Variants in STRIP2 observed in about 807,000 individuals in gnomAD.
STRIP2 encodes the protein striatin-interacting protein 2.
Under a neutral mutation model 107.1 loss-of-function variants are expected in STRIP2, and 84 were observed. The observed-to-expected ratio is 0.78, with a 90% confidence interval of 0.66 to 0.94. The LOEUF is 0.94. Ranked by LOEUF, STRIP2 falls within the 40% of genes least tolerant of loss-of-function variation. The pLI is 0.00. For missense variants in STRIP2, 888 were observed against 1,034.2 expected, an observed-to-expected ratio of 0.86 and a Z score of 1.94; for synonymous variants, 394 against 400.4, an observed-to-expected ratio of 0.98 and a Z score of 0.19.
intron 18 of STRIP2, among the ~76,000 whole-genome samples, chr7:129,479,420 A>G (rs1799059534): frequency 6.6e-6 from 1 of 152,176 alleles, no homozygotes; most frequent in Non-Finnish European, 1.5e-5. Context: ...TTAGAAGCAG[A>G]CAGATGGTTC....
At position 129,469,298 on chromosome 7, in the gene STRIP2, A is replaced by G. The variant is rs139621414; in HGVS notation, c.1878-1351A>G. On this transcript the variant is annotated intron_variant, in intron 17 of 20. Coordinates refer to ENST00000249344, the MANE Select transcript of STRIP2 (RefSeq NM_020704.3). Reference sequence around the variant, plus strand: ...CACCATCTGTAAGTTTTACTTTTGAATGATCTCTGAGAACTTGGAGATCAC... The same window carrying G: ...CACCATCTGTAAGTTTTACTTTTGAGTGATCTCTGAGAACTTGGAGATCAC... Among the ~76,000 whole-genome samples, 346 of 152,368 alleles carry G rather than the reference A, an allele frequency of 2.3e-3. 1 individual carries two copies. Among genetic ancestry groups the G allele is most frequent in the African/African-American group, 8.1e-3 (337 of 41,580 alleles).
At chr7:129,481,023 T>A in intron 19 of STRIP2, 134 bp downstream of exon 19, 1 of 625,708 alleles carries the variant, frequency 1.6e-6, no homozygotes, top group Non-Finnish European at 2.8e-6. Context: ...ATTTAGCACC[T>A]CATAATTCTG....
intron 1 of STRIP2, among the ~76,000 whole-genome samples, chr7:129,436,920 A>C (rs909360049): frequency 6.6e-6 from 1 of 152,222 alleles, no homozygotes; most frequent in Non-Finnish European, 1.5e-5. Flanking sequence ...ACCTAATAAA[A>C]GGATTCACCT....
intron 2 of STRIP2, among the ~76,000 whole-genome samples, chr7:129,440,779 A>G (rs17552854): frequency 0.14 from 21,589 of 152,206 alleles, 2,111 homozygotes; most frequent in Non-Finnish European, 0.21. Flanking sequence ...TACATGTGCT[A>G]TGAATGCCAG....
rs1167411593 is a variant in STRIP2 at position 129,483,038 on chromosome 7, A to G, written c.2246A>G (p.Tyr749Cys). The part of the protein sequence containing the change: ...VRHRMNDDWA[Y>C]GNDIDARPWD... ...CACCGCATGAACGATGACTGGGCTTACGGGAATGGTGAGTCTTCCCAAAGC... is the reference window on the plus strand; with the variant it reads ...CACCGCATGAACGATGACTGGGCTTGCGGGAATGGTGAGTCTTCCCAAAGC... The change falls in exon 20 of 21, where the codon TAC (tyrosine) becomes TGC (cysteine). Residue 749 changes from tyrosine (Y) to cysteine (C), a missense_variant. By Grantham distance (194) the Tyr-to-Cys change is radical. Transcript: ENST00000249344. This position sits in a 1 kb window ranked among gnomAD's most constrained non-coding sequence, Gnocchi z 5.1. 2 of 1,614,220 alleles carry G rather than the reference A, an allele frequency of 1.2e-6. No individual in the cohort carries two copies. The highest frequency in any genetic ancestry group is 1.1e-5 in the South Asian group (1 of 91,076).
chr7:129,480,782 T>C lies in STRIP2; in HGVS notation c.1945-3T>C. 3.1e-6 allele frequency: 5 copies of C among 1,611,378 alleles called. No homozygotes were observed. The highest frequency in any genetic ancestry group is 3.4e-6 in the Non-Finnish European group (4 of 1,178,538). On this transcript the variant is annotated splice_region_variant and splice_polypyrimidine_tract_variant and intron_variant, in intron 18 of 20. Coordinates refer to ENST00000249344, the MANE Select transcript of STRIP2 (RefSeq NM_020704.3). ...AGATAATGATGGATGTTCCCTACTA[T>C]AGGAAGCTGGAGACAACAGCCAGTT...
At chr7:129,471,501 T>A (rs1798787685) in intron 18 of STRIP2, among the ~76,000 whole-genome samples, 1 of 152,220 alleles carries the variant, frequency 6.6e-6, no homozygotes, top group South Asian at 2.1e-4. Flanking sequence ...GCTCAATAAA[T>A]GTCAAATGAT....
chr7:129,474,465 C>G (rs1485853633), intron 18 of STRIP2, among the ~76,000 whole-genome samples: 1 of 151,946 alleles, frequency 6.6e-6, no homozygotes, highest in Non-Finnish European at 1.5e-5. Context: ...CAATGCCCAG[C>G]TGCACATGAA....
At position 129,434,536 on chromosome 7, in the gene STRIP2, G is replaced by T. The variant is rs1430701631; in HGVS notation, c.64G>T (p.Gly22Cys). The T allele has an allele frequency of 6.6e-7, 1 of 1,518,232 alleles. No homozygotes were observed. Among genetic ancestry groups the T allele is most frequent in the Admixed American group, 2.0e-5 (1 of 49,966 alleles). 94.0% of individuals were successfully genotyped at this position (1,518,232 alleles called of 1,614,324 possible). The change falls in exon 1 of 21, where the codon GGC becomes TGC. Residue 22 changes from glycine to cysteine, a missense_variant. Coordinates refer to ENST00000249344, the MANE Select transcript of STRIP2 (RefSeq NM_020704.3). ...CGCAAATGGCAATGGCAACGGCGGCGGCAAAGGGAAGCAGGCGGCGCCCAA... is the reference window on the plus strand; with the variant it reads ...CGCAAATGGCAATGGCAACGGCGGCTGCAAAGGGAAGCAGGCGGCGCCCAA... ...PPANGNGNGG[G>C]KGKQAAPKGR...
At chr7:129,442,979 A>G (rs1261155599) in intron 2 of STRIP2, among the ~76,000 whole-genome samples, 2 of 151,746 alleles carry the variant, frequency 1.3e-5, no homozygotes, top group African/African-American at 4.8e-5. Context: ...TACATATACA[A>G]TGTTCTGGAG....
chr7:129,439,891 A>G (rs1025913690), intron 1 of STRIP2, 131 bp from the exon 2 acceptor site: 4 of 693,322 alleles, frequency 5.8e-6, no homozygotes, highest in South Asian at 1.8e-5. Context: ...CCCAAATAGG[A>G]CTCTCCTAAC....
Position 129,483,414 on chromosome 7 carries a change from CTATAT to C in STRIP2, c.2254+375_2254+379del, listed in dbSNP as rs1175803190. 16 of 771,110 alleles carry C rather than the reference CTATAT, an allele frequency of 2.1e-5. 1 individual carries two copies. Among genetic ancestry groups the C allele is most frequent in the African/African-American group, 9.3e-5 (5 of 53,734 alleles). The allele number at this position is 771,110 out of a possible 1,614,324, so 47.8% of individuals were successfully genotyped here. The stretch of plus-strand genomic sequence containing the variant: ...AAAATACAAGTAAACAAACATTTTA[CTATAT>C]TATATTTATGCCATATTTGTACTAT... On this transcript the variant is annotated intron_variant, in intron 20 of 20. Coordinates refer to ENST00000249344, the MANE Select transcript of STRIP2 (RefSeq NM_020704.3). This position sits in a 1 kb window ranked among gnomAD's most constrained non-coding sequence, Gnocchi z 5.1.
intron 8 of STRIP2, 87 bp downstream of exon 8, chr7:129,455,458 G>C: frequency 6.6e-7 from 1 of 1,507,486 alleles, no homozygotes; most frequent in Non-Finnish European, 8.9e-7. Context: ...CAGGAGGCTG[G>C]ATCCAGGGAG....
In STRIP2 at chr7:129,458,564, C is replaced by G. The variant is rs1189290870; in HGVS notation, c.1274+114C>G. The stretch of plus-strand genomic sequence containing the variant: ...TTAAGTTGGTCTGGCAGTCAGAACT[C>G]CTGGGTTTGAAATTCCTTCTGTTGA... On this transcript the variant is annotated intron_variant, in intron 10 of 20. Coordinates refer to ENST00000249344, the MANE Select transcript of STRIP2 (RefSeq NM_020704.3). The surrounding 1 kb of genome is among the most constrained non-coding windows in gnomAD (Gnocchi z 4.6). 46 of 1,247,010 alleles carry G rather than the reference C, an allele frequency of 3.7e-5. 1 individual carries two copies. The highest frequency in any genetic ancestry group is 4.9e-5 in the Non-Finnish European group (44 of 891,156). 77.2% of individuals were successfully genotyped at this position (1,247,010 alleles called of 1,614,324 possible).
intron 3 of STRIP2, among the ~76,000 whole-genome samples, chr7:129,444,368 A>G (rs1797979951): frequency 2.6e-5 from 4 of 152,206 alleles, no homozygotes; most frequent in Non-Finnish European, 4.4e-5. Context: ...AAACTGAAGA[A>G]CTTGGAGTCC....
intron 18 of STRIP2, among the ~76,000 whole-genome samples, chr7:129,473,321 A>G (rs1021061465): frequency 6.6e-6 from 1 of 152,224 alleles, no homozygotes; most frequent in Non-Finnish European, 1.5e-5. Context: ...CAAAATTTAA[A>G]TGTTCACAAT....
At chr7:129,471,359 C>T (rs575302158) in intron 18 of STRIP2, among the ~76,000 whole-genome samples, 1 of 152,302 alleles carries the variant, frequency 6.6e-6, no homozygotes, top group Non-Finnish European at 1.5e-5. Flanking sequence ...ACAATCCATA[C>T]CTCCAGCCTG....
In STRIP2 at chr7:129,485,671, C is replaced by T; in HGVS notation, c.2347C>T (p.Gln783Ter). The T allele has an allele frequency of 6.2e-7, 1 of 1,614,048 alleles. No individual in the cohort carries two copies. The highest frequency in any genetic ancestry group is 8.5e-7 in the Non-Finnish European group (1 of 1,180,024). The change falls in exon 21 of 21, where the codon CAG (glutamine) becomes TAG (stop). Residue 783 changes from glutamine to a stop codon, truncating the protein, a stop_gained. Coordinates refer to ENST00000249344, the MANE Select transcript of STRIP2 (RefSeq NM_020704.3). LOFTEE classifies it high-confidence loss of function. ...TAACAGCCGTCGCTATGACAGACCCCAGGACTCTGAGTTTTCACCTGTGGA... is the reference window on the plus strand; with the variant it reads ...TAACAGCCGTCGCTATGACAGACCCTAGGACTCTGAGTTTTCACCTGTGGA... ...AFNSRRYDRP[Q>*]DSEFSPVDNC... is the part of the protein sequence containing the mutation.
intron 4 of STRIP2, 78 bp downstream of exon 4, chr7:129,451,825 C>T: frequency 1.3e-6 from 2 of 1,561,510 alleles, no homozygotes; most frequent in Non-Finnish European, 8.7e-7. Context: ...TGAGATGACG[C>T]AGGCTGTGCT....
Sources: allele counts gnomAD v4.1 joint callset (sites outside exome capture counted in the v4.1 genomes callset), GRCh38; gene constraint gnomAD v4.1.1; non-coding constraint Gnocchi (gnomAD v3.1); transcripts MANE v1.5; gene names NCBI Gene and HGNC (gene_info 2026-07-23, HGNC 2026-07-21).